ANKRD33B: variants seen among roughly 807,000 people sequenced by gnomAD.
ANKRD33B encodes the protein ankyrin repeat domain 33B, also known as ankyrin repeat domain-containing protein 33B.
In ANKRD33B, 6 loss-of-function variants were observed where a neutral mutation model predicts 21.5. The observed-to-expected ratio is 0.28, with a 90% CI of 0.15 to 0.55. The LOEUF (loss-of-function observed/expected upper bound fraction) is 0.55, where lower values mean the gene tolerates loss of function less well. ANKRD33B is among the 20% of genes least tolerant of loss of function. The probability of loss-of-function intolerance (pLI) is 0.94; values close to 1 mark genes in which losing one functional copy is unlikely to be tolerated. For synonymous variants in ANKRD33B, 347 were observed against 342.4 expected, an observed-to-expected ratio of 1.01 and a Z score of -0.15; for missense variants, 698 against 747.2, an observed-to-expected ratio of 0.93 and a Z score of 0.77.
chr5:10,649,333 C>T lies in ANKRD33B; in HGVS notation c.705C>T (p.Gly235=). Residue 235 remains glycine, a synonymous_variant, in exon 4 of 4, where the codon GGC becomes GGT. Coordinates refer to ENST00000296657, the MANE Select transcript of ANKRD33B (RefSeq NM_001164440.2). ...CGCAGGAGTGGGCCACTTACACGGG[C>T]CGCGTGGATGCCGTCCGTCTCATGC... ...MSPQEWATYT[G]RVDAVRLMQR... The T allele has an allele frequency of 2.0e-6, 3 of 1,534,820 alleles. No individual in the cohort carries two copies. Among genetic ancestry groups the T allele is most frequent in the Middle Eastern group, 2.0e-4 (1 of 5,054 alleles).
chr5:10,564,704 C>A lies in ANKRD33B; in HGVS notation c.237C>A (p.Val79=). 6.5e-7 allele frequency: 1 copy of A among 1,533,778 alleles called. No individual in the cohort carries two copies. The highest frequency in any genetic ancestry group is 8.7e-7 in the Non-Finnish European group (1 of 1,145,860). ...GCGCGGAGAGCGTCCCGGAGGGCGTCCCGGAAAGCGTCCCGGAGACGGCGA... is the reference window on the plus strand; with the variant it reads ...GCGCGGAGAGCGTCCCGGAGGGCGTACCGGAAAGCGTCCCGGAGACGGCGA... ...VESAESVPEG[V]PESVPETATL... The change falls in exon 1 of 4, where the codon GTC becomes GTA. Residue 79 remains valine (V), a synonymous_variant. Transcript: ENST00000296657.
At chr5:10,589,343 T>A (rs1386990113) in intron 1 of ANKRD33B, among the ~76,000 whole-genome samples, 1 of 152,198 alleles carries the variant, frequency 6.6e-6, no homozygotes, top group Non-Finnish European at 1.5e-5. Context: ...TAAACTTGAT[T>A]CATTTTGCAG....
chr5:10,600,087 A>G (rs577243523), intron 1 of ANKRD33B, among the ~76,000 whole-genome samples: 1 of 152,378 alleles, frequency 6.6e-6, no homozygotes, highest in African/African-American at 2.4e-5. Context: ...AGCATTTCTC[A>G]TGACTCAGTG....
At chr5:10,584,071 C>T (rs570254373) in intron 1 of ANKRD33B, among the ~76,000 whole-genome samples, 41 of 152,216 alleles carry the variant, frequency 2.7e-4, no homozygotes, top group East Asian at 5.8e-4. Context: ...GCCACCTGCC[C>T]GGTGAAAATG....
At chr5:10,581,486 A>T (rs548287729) in intron 1 of ANKRD33B, among the ~76,000 whole-genome samples, 1 of 151,980 alleles carries the variant, frequency 6.6e-6, no homozygotes, top group South Asian at 2.1e-4. Context: ...GCTTCTTTAC[A>T]CTGCTCATTT....
chr5:10,649,673 C>A lies in ANKRD33B; in HGVS notation c.1045C>A (p.Arg349=), dbSNP rs754152104. 6.5e-7 allele frequency: 1 copy of A among 1,526,776 alleles called. No homozygotes were observed. The highest frequency in any genetic ancestry group is 2.5e-5 in the East Asian group (1 of 40,594). 94.6% of individuals were successfully genotyped at this position (1,526,776 alleles called of 1,614,324 possible). Residue 349 remains arginine, a synonymous_variant, in exon 4 of 4, where the codon CGG becomes AGG. Transcript: ENST00000296657. The part of the protein sequence containing the change: ...RLAVQEILAA[R]AARGPQAQEE... ...GGCGGTGCAGGAGATCCTGGCGGCG[C>A]GGGCTGCACGGGGCCCCCAGGCGCA...
intron 3 of ANKRD33B, among the ~76,000 whole-genome samples, chr5:10,645,741 T>G (rs1737174903): frequency 6.6e-6 from 1 of 152,222 alleles, no homozygotes; most frequent in Admixed American, 6.5e-5. Context: ...TGCTGGTCCC[T>G]TTCGTCAGGA....
At chr5:10,568,601 C>T (rs1187483643) in intron 1 of ANKRD33B, among the ~76,000 whole-genome samples, 2 of 152,236 alleles carry the variant, frequency 1.3e-5, no homozygotes, top group African/African-American at 4.8e-5. Flanking sequence ...GTGGCGCAAT[C>T]TCTGCTCACT....
Position 10,615,792 on chromosome 5 carries a change from C to A in ANKRD33B, c.367-2541C>A, listed in dbSNP as rs183365458. 9.2e-5 allele frequency among the ~76,000 whole-genome samples: 14 copies of A among 152,268 alleles called. No individual in the cohort carries two copies. In the East Asian group the frequency reaches 2.7e-3, roughly 29 times the overall value. ...TAGAATACTAGAGCAATATCTCCATCCAAAGAAGTTAAAAATGATTTTTGG... is the reference window on the plus strand; with the variant it reads ...TAGAATACTAGAGCAATATCTCCATACAAAGAAGTTAAAAATGATTTTTGG... On this transcript the variant is annotated intron_variant, in intron 1 of 3. Coordinates refer to ENST00000296657, the MANE Select transcript of ANKRD33B (RefSeq NM_001164440.2).
chr5:10,628,600 C>A (rs1168348698), intron 2 of ANKRD33B, among the ~76,000 whole-genome samples: 1 of 152,192 alleles, frequency 6.6e-6, no homozygotes, highest in African/African-American at 2.4e-5. Flanking sequence ...CGGGCCTTGG[C>A]CTCTCTGCTG....
In ANKRD33B at chr5:10,649,894, G is replaced by T; in HGVS notation, c.1266G>T (p.Val422=). The T allele has an allele frequency of 5.9e-6, 9 of 1,513,110 alleles. No homozygotes were observed. The highest frequency in any genetic ancestry group is 7.9e-6 in the Non-Finnish European group (9 of 1,136,504). The allele number at this position is 1,513,110 out of a possible 1,614,324, so 93.7% of individuals were successfully genotyped here. A position where few individuals can be genotyped will look rare whatever the true frequency, so the allele number is the denominator to read the frequency against. ...LRRRSVRPGV[V]VPRVRVSKAP... ...GGAGAAGCGTGCGGCCCGGTGTGGT[G>T]GTGCCCCGGGTCCGAGTCAGCAAGG... The change falls in exon 4 of 4, where the codon GTG becomes GTT. Residue 422 remains valine (V), a synonymous_variant. Transcript: ENST00000296657.
At chr5:10,629,618 C>T (rs576904511) in intron 2 of ANKRD33B, among the ~76,000 whole-genome samples, 13 of 152,198 alleles carry the variant, frequency 8.5e-5, no homozygotes, top group African/African-American at 3.1e-4. Context: ...AGAGATAGAA[C>T]TGGAAAGAGT....
At chr5:10,596,174 G>A (rs560298063) in intron 1 of ANKRD33B, among the ~76,000 whole-genome samples, 2 of 152,276 alleles carry the variant, frequency 1.3e-5, no homozygotes, top group African/African-American at 4.8e-5. Context: ...TCAACTTTTA[G>A]TTTAAGTTCT....
chr5:10,641,629 G>C (rs562485711), intron 3 of ANKRD33B, among the ~76,000 whole-genome samples: 2 of 152,074 alleles, frequency 1.3e-5, no homozygotes, highest in South Asian at 4.2e-4. Context: ...GTCTGAGCCC[G>C]TCTGTTGTTT....
chr5:10,620,034 C>T (rs1227280412), intron 2 of ANKRD33B, among the ~76,000 whole-genome samples: 1 of 151,960 alleles, frequency 6.6e-6, no homozygotes, highest in Non-Finnish European at 1.5e-5. Flanking sequence ...TGTAGGATGG[C>T]GTGTGTCTAG....
At chr5:10,578,797 A>G (rs930713286) in intron 1 of ANKRD33B, among the ~76,000 whole-genome samples, 10 of 152,120 alleles carry the variant, frequency 6.6e-5, no homozygotes, top group African/African-American at 2.4e-4. Flanking sequence ...AAAACCCCAA[A>G]CCTATCTCAT....
At chr5:10,623,034 C>G (rs745940317) in intron 2 of ANKRD33B, among the ~76,000 whole-genome samples, 1 of 152,110 alleles carries the variant, frequency 6.6e-6, no homozygotes, top group Non-Finnish European at 1.5e-5. Flanking sequence ...AGCCACTCCC[C>G]TCCTGGGCTG....
At chr5:10,617,696 C>T (rs761092295) in intron 1 of ANKRD33B, among the ~76,000 whole-genome samples, 67 of 152,330 alleles carry the variant, frequency 4.4e-4, no homozygotes, top group Admixed American at 2.2e-3. Context: ...AGGCCCCTGT[C>T]CACGGTCTCT....
chr5:10,617,575 C>T (rs1736312979), intron 1 of ANKRD33B, among the ~76,000 whole-genome samples: 1 of 152,240 alleles, frequency 6.6e-6, no homozygotes, highest in African/African-American at 2.4e-5. Context: ...CCCATCAGCC[C>T]CCTTCCTCCA....
Sources: gnomAD v4.1 joint callset for allele counts (sites outside exome capture counted in the v4.1 genomes callset) on GRCh38, gnomAD v4.1.1 for gene constraint, MANE v1.5 for transcripts, NCBI Gene and HGNC (gene_info 2026-07-23, HGNC 2026-07-21) for gene names.